ABCB1: variants seen among roughly 807,000 people sequenced by gnomAD.
The protein encoded by ABCB1 is ATP-dependent translocase ABCB1.
Under a neutral mutation model 142.0 loss-of-function variants are expected in ABCB1, and 69 were observed. That is an observed-to-expected ratio of 0.49 (90% confidence interval 0.40 to 0.59). The LOEUF is 0.59. Among genes scored for constraint, ABCB1 ranks in the 20% least tolerant of loss-of-function variants. ABCB1 has a pLI of 0.00. For synonymous variants in ABCB1, 532 were observed against 539.2 expected, an observed-to-expected ratio of 0.99 and a Z score of 0.18; for missense variants, 1,326 against 1,554.7, an observed-to-expected ratio of 0.85 and a Z score of 2.47.
At chr7:87,684,318 T>C (rs1446561584) in intron 1 of ABCB1, among the ~76,000 whole-genome samples, 1 of 152,206 alleles carries the variant, frequency 6.6e-6, no homozygotes, top group Non-Finnish European at 1.5e-5. Flanking sequence ...TTTTTGTAGA[T>C]ATAAAACTTA....
chr7:87,609,514 G>T, intron 1 of ABCB1, among the ~76,000 whole-genome samples: 1 of 152,062 alleles, frequency 6.6e-6, no homozygotes, highest in East Asian at 1.9e-4. Context: ...CAGGTTTTCT[G>T]ACACTGAGCT....
chr7:87,514,864 ACCATCTTTGAAACAGTCT>A (rs1180515433), intron 25 of ABCB1, among the ~76,000 whole-genome samples: 1 of 152,206 alleles, frequency 6.6e-6, no homozygotes, highest in Non-Finnish European at 1.5e-5. Flanking sequence ...ATTGCTGACC[ACCATCTTTGAAACAGTCT>A]CCATCCTTGG....
intron 1 of ABCB1, 49 bp from the exon 2 acceptor site, chr7:87,600,239 G>A: frequency 2.0e-6 from 3 of 1,524,590 alleles, no homozygotes; most frequent in South Asian, 2.3e-5. Context: ...CCTCAGGCGC[G>A]CTGGAGGTGA....
chr7:87,591,900 A>G (rs1858923), intron 3 of ABCB1, among the ~76,000 whole-genome samples: 57,284 of 152,012 alleles, frequency 0.38, 12,593 homozygotes, highest in South Asian at 0.64. Flanking sequence ...TTTACAGGCG[A>G]GGGCAGCACA....
At chr7:87,606,117 T>C (rs564169701) in intron 1 of ABCB1, among the ~76,000 whole-genome samples, 2 of 152,136 alleles carry the variant, frequency 1.3e-5, no homozygotes, top group Admixed American at 1.3e-4. Flanking sequence ...AGAGCTTATA[T>C]AAATGGATAA....
At chr7:87,561,878 C>A (rs1193591213) in intron 7 of ABCB1, among the ~76,000 whole-genome samples, 1 of 152,112 alleles carries the variant, frequency 6.6e-6, no homozygotes, top group Middle Eastern at 3.2e-3. Flanking sequence ...CTCAGCTACT[C>A]AGGAGGCTGA....
chr7:87,511,923 C>T (rs1004178717), intron 25 of ABCB1, among the ~76,000 whole-genome samples: 1 of 151,978 alleles, frequency 6.6e-6, no homozygotes, highest in Non-Finnish European at 1.5e-5. Context: ...GGGGAAGACT[C>T]AAAGCAGGGG....
chr7:87,703,416 C>T (rs1180235881), intron 1 of ABCB1, among the ~76,000 whole-genome samples: 6 of 152,086 alleles, frequency 3.9e-5, no homozygotes, highest in Non-Finnish European at 5.9e-5. Context: ...TTTTTAGCTC[C>T]TTAATATGAA....
chr7:87,569,685 T>C (rs1214540192), intron 5 of ABCB1, among the ~76,000 whole-genome samples: 1 of 152,086 alleles, frequency 6.6e-6, no homozygotes, highest in East Asian at 1.9e-4. Context: ...TGTCTCTCTC[T>C]TTTTTTGTGG....
In ABCB1 at chr7:87,503,189, G is replaced by T. The variant is rs1814566140; in HGVS notation, c.*1054C>A. 6.6e-6 allele frequency among the ~76,000 whole-genome samples: 1 copy of T among 151,362 alleles called. No homozygotes were observed. On this transcript the variant is annotated 3_prime_UTR_variant, in exon 28 of 28. Transcript: ENST00000622132. ...CCTATTTTTTTTTCCTGGAGGTGAT[G>T]GCTTCTTTTTTTTATTTTTAGAAGT...
chr7:87,570,188 C>G lies in ABCB1; in HGVS notation c.322G>C (p.Glu108Gln). ...INDTGFFMNL[E>Q]EDMTRYAYYY... ...TCTAATTACCTGGTCATGTCTTCCT[C>G]CAGATTCATGAAGAACCCTGTATCA... The change falls in exon 5 of 28, where the codon GAG (glutamate) becomes CAG (glutamine). Residue 108 changes from glutamate to glutamine, a missense_variant. Glu to Gln is a conservative substitution (Grantham distance 29, BLOSUM62 2). Transcript: ENST00000622132. 6.2e-7 allele frequency: 1 copy of G among 1,613,018 alleles called. No homozygotes were observed. Among genetic ancestry groups the G allele is most frequent in the East Asian group, 2.2e-5 (1 of 44,788 alleles).
chr7:87,584,665 C>T lies in ABCB1; in HGVS notation c.286+847G>A, dbSNP rs1208647600. Among the ~76,000 whole-genome samples, 3 of 152,166 alleles carry T rather than the reference C, an allele frequency of 2.0e-5. No homozygotes were observed. The East Asian group carries it at 5.8e-4, about 29-fold the overall frequency. ...CATCTGTTTTCTCTGTCTCTATCAG[C>T]CAATTCTCCTGCTTCCTACTTCACT... is the stretch of plus-strand genomic sequence containing the variant. On this transcript the variant is annotated intron_variant, in intron 4 of 27. Coordinates refer to ENST00000622132, the MANE Select transcript of ABCB1 (RefSeq NM_001348946.2).
intron 1 of ABCB1, among the ~76,000 whole-genome samples, chr7:87,688,285 T>C (rs1827672315): frequency 6.6e-6 from 1 of 152,110 alleles, no homozygotes; most frequent in East Asian, 1.9e-4. Flanking sequence ...ATGAATCTTA[T>C]ATTAATGTTT....
intron 1 of ABCB1, chr7:87,629,332 T>C (rs945873266): frequency 5.7e-6 from 1 of 175,884 alleles, no homozygotes; most frequent in Non-Finnish European, 1.2e-5. Context: ...TTGTTTACTG[T>C]GTTGCCCCCA....
intron 3 of ABCB1, among the ~76,000 whole-genome samples, chr7:87,590,516 G>A (rs1818956897): frequency 1.3e-5 from 2 of 152,294 alleles, no homozygotes; most frequent in East Asian, 1.9e-4. Context: ...TTCTCAGGAG[G>A]TAACATCCAT....
chr7:87,519,278 T>C (rs754078618), intron 23 of ABCB1, 48 bp downstream of exon 23: 1 of 1,562,628 alleles, frequency 6.4e-7, no homozygotes, highest in Non-Finnish European at 8.8e-7. Context: ...AGCATGTTCA[T>C]CCCAGCTTTA....
At chr7:87,567,779 T>G (rs1463269552) in intron 5 of ABCB1, among the ~76,000 whole-genome samples, 1 of 152,130 alleles carries the variant, frequency 6.6e-6, no homozygotes, top group Non-Finnish European at 1.5e-5. Context: ...TAATGTTTCC[T>G]TGCTCTGAGT....
intron 21 of ABCB1, among the ~76,000 whole-genome samples, chr7:87,525,054 T>A (rs562189142): frequency 6.6e-6 from 1 of 152,240 alleles, no homozygotes; most frequent in Admixed American, 6.5e-5. Context: ...AGTAAAACAG[T>A]ATAATAACTT....
At chr7:87,607,240 C>T (rs1404842801) in intron 1 of ABCB1, among the ~76,000 whole-genome samples, 1 of 152,048 alleles carries the variant, frequency 6.6e-6, no homozygotes, top group Non-Finnish European at 1.5e-5. Flanking sequence ...GATCAAAGCC[C>T]TGGAGGTATT....
Sources: gnomAD v4.1 joint callset for allele counts (sites outside exome capture counted in the v4.1 genomes callset) on GRCh38, gnomAD v4.1.1 for gene constraint, MANE v1.5 for transcripts, NCBI Gene and HGNC (gene_info 2026-07-23, HGNC 2026-07-21) for gene names.